FBXO11: variants seen among roughly 807,000 people sequenced by gnomAD.
The protein encoded by FBXO11 is F-box protein 11.
A neutral mutation model predicts 117.0 loss-of-function variants in FBXO11; 13 were observed. The ratio of observed to expected loss-of-function variants is 0.11; its 90% confidence interval spans 0.07 to 0.18. FBXO11 has a LOEUF of 0.18. FBXO11 is among the 10% of genes least tolerant of loss of function. FBXO11 has a pLI of 1.00. For missense variants in FBXO11, 767 were observed against 1,164.4 expected, an observed-to-expected ratio of 0.66 and a Z score of 4.97; for synonymous variants, 490 against 380.5, an observed-to-expected ratio of 1.29 and a Z score of -3.35.
At chr2:47,818,099 G>C (rs1476735732) in intron 16 of FBXO11, among the ~76,000 whole-genome samples, 1 of 152,186 alleles carries the variant, frequency 6.6e-6, no homozygotes, top group Non-Finnish European at 1.5e-5. Context: ...TGGGCAACAA[G>C]AGTGAAACTC....
At chr2:47,832,541 A>G (rs756118008) in intron 10 of FBXO11, 31 bp downstream of exon 10, 1 of 1,607,776 alleles carries the variant, frequency 6.2e-7, no homozygotes, top group Admixed American at 1.7e-5. Context: ...ATTTTCTAAA[A>G]AGAAAAAAAC....
chr2:47,812,396 C>G (rs1670680811), intron 18 of FBXO11, among the ~76,000 whole-genome samples: 1 of 152,220 alleles, frequency 6.6e-6, no homozygotes, highest in African/African-American at 2.4e-5. Context: ...TTTTTCAAAA[C>G]ACGGCTCAAA....
chr2:47,887,632 G>A (rs866893020), intron 1 of FBXO11, among the ~76,000 whole-genome samples: 3 of 152,042 alleles, frequency 2.0e-5, no homozygotes, highest in Non-Finnish European at 4.4e-5. Flanking sequence ...AGGCTGAGGT[G>A]GGCGAACTGC....
chr2:47,846,459 C>T (rs1673418853), intron 1 of FBXO11, among the ~76,000 whole-genome samples: 1 of 152,040 alleles, frequency 6.6e-6, no homozygotes, highest in African/African-American at 2.4e-5. Flanking sequence ...AAAAACGAAA[C>T]TGTTTCAAAA....
At chr2:47,836,299 G>T (rs925812719) in intron 4 of FBXO11, among the ~76,000 whole-genome samples, 3 of 152,032 alleles carry the variant, frequency 2.0e-5, no homozygotes, top group South Asian at 2.1e-4. Flanking sequence ...CTAAAAACAG[G>T]ATTTAAAACG....
rs547256725 is a variant in FBXO11, at chr2:47,843,144, T to G, written c.233-3375A>C. 1.3e-4 allele frequency among the ~76,000 whole-genome samples: 20 copies of G among 152,344 alleles called. No homozygotes were observed. The South Asian group carries it at 4.1e-3, about 32-fold the overall frequency. ...CAAAAAGCAGCCAGTATGATACGCC[T>G]AGGCATTTGTGGAACTCTCTCCCTT... On this transcript the variant is annotated intron_variant, in intron 1 of 22. Coordinates refer to ENST00000403359, the MANE Select transcript of FBXO11 (RefSeq NM_001190274.2).
chr2:47,871,171 T>C (rs774900785), intron 1 of FBXO11, among the ~76,000 whole-genome samples: 3 of 152,220 alleles, frequency 2.0e-5, no homozygotes, highest in Admixed American at 6.5e-5. Flanking sequence ...AGTAGCTACC[T>C]GCTTGCTCTC....
At chr2:47,859,517 C>CATACATACACAAAAAGAGT (rs2103731576) in intron 1 of FBXO11, among the ~76,000 whole-genome samples, 1 of 152,314 alleles carries the variant, frequency 6.6e-6, no homozygotes, top group East Asian at 1.9e-4. Flanking sequence ...AGATGATTTA[C>CATACATACACAAAAAGAGT]ATACATACAC....
At chr2:47,898,609 A>T (rs1427271342) in intron 1 of FBXO11, among the ~76,000 whole-genome samples, 1 of 152,236 alleles carries the variant, frequency 6.6e-6, no homozygotes, top group Non-Finnish European at 1.5e-5. Context: ...CATGCTGGTC[A>T]ATCAGTAGAG....
Position 47,832,954 on chromosome 2 carries a change from C to A in FBXO11, c.1041+10G>T, listed in dbSNP as rs1672298456. The A allele has an allele frequency of 6.2e-7, 1 of 1,605,564 alleles. No homozygotes were observed. The highest frequency in any genetic ancestry group is 8.5e-7 in the Non-Finnish European group (1 of 1,172,474). On this transcript the variant is annotated intron_variant, in intron 8 of 22. Transcript: ENST00000403359. ...TTTCAATGTGTATTTTAAATCTTAA[C>A]ATGTCTTACCCTTATTGTCATATAT...
chr2:47,876,146 G>C (rs1007789252), intron 1 of FBXO11, among the ~76,000 whole-genome samples: 6 of 152,304 alleles, frequency 3.9e-5, no homozygotes, highest in Middle Eastern at 3.4e-3. Context: ...CCACAAAATA[G>C]CTATTTAGTT....
chr2:47,811,314 C>T (rs1370195486), intron 18 of FBXO11: 4 of 152,160 alleles, frequency 2.6e-5, no homozygotes, highest in African/African-American at 7.2e-5. Context: ...CAACCCCTGC[C>T]TCCGGGTTCA....
chr2:47,902,001 T>C (rs894464991), intron 1 of FBXO11, among the ~76,000 whole-genome samples: 7 of 152,226 alleles, frequency 4.6e-5, no homozygotes, highest in Non-Finnish European at 8.8e-5. Context: ...AATGGTGTGA[T>C]CTCAGCTCAC....
At chr2:47,847,146 G>C (rs1222589059) in intron 1 of FBXO11, among the ~76,000 whole-genome samples, 1 of 152,042 alleles carries the variant, frequency 6.6e-6, no homozygotes, top group Non-Finnish European at 1.5e-5. Context: ...TCAGGAGGCT[G>C]AGCCAGGAGA....
chr2:47,881,709 C>T (rs892910634), intron 1 of FBXO11, among the ~76,000 whole-genome samples: 7 of 151,998 alleles, frequency 4.6e-5, no homozygotes, highest in African/African-American at 1.7e-4. Flanking sequence ...TCAGGGTATA[C>T]AATATTAACA....
chr2:47,810,133 C>T (rs980500507), intron 19 of FBXO11, 183 bp downstream of exon 19: 1 of 538,254 alleles, frequency 1.9e-6, no homozygotes, highest in Non-Finnish European at 3.2e-6. Context: ...TCTTAGGAGT[C>T]TGGCTTAGAG....
intron 1 of FBXO11, among the ~76,000 whole-genome samples, chr2:47,900,589 CGT>C (rs1558486144): frequency 1.8e-5 from 2 of 113,654 alleles, no homozygotes; most frequent in African/African-American, 3.2e-5. Flanking sequence ...CACATATATA[CGT>C]ATATACACAC....
At chr2:47,868,870 C>T (rs1675398677) in intron 1 of FBXO11, among the ~76,000 whole-genome samples, 1 of 152,152 alleles carries the variant, frequency 6.6e-6, no homozygotes, top group Non-Finnish European at 1.5e-5. Context: ...ATGAAAAAGG[C>T]AACATTTGTT....
At chr2:47,808,648 A>G (rs1429113807) in intron 21 of FBXO11, 3 of 456,538 alleles carry the variant, frequency 6.6e-6, no homozygotes, top group African/African-American at 2.0e-5. Flanking sequence ...TAAATTGTAT[A>G]AAGGCAGTTC....
Sources: allele counts gnomAD v4.1 joint callset (sites outside exome capture counted in the v4.1 genomes callset), GRCh38; gene constraint gnomAD v4.1.1; transcripts MANE v1.5; gene names NCBI Gene and HGNC (gene_info 2026-07-23, HGNC 2026-07-21).